Variants in LCOR observed in about 807,000 individuals in gnomAD.
LCOR encodes the protein ligand dependent nuclear receptor corepressor, also known as ligand-dependent corepressor.
A neutral mutation model predicts 64.4 loss-of-function variants in LCOR; 14 were observed. The ratio of observed to expected loss-of-function variants is 0.22; its 90% CI spans 0.14 to 0.34. LCOR has a LOEUF of 0.34. Ranked by LOEUF, LCOR falls within the 10% of genes least tolerant of loss-of-function variation. The probability of loss-of-function intolerance (pLI) is 1.00; values close to 1 mark genes in which losing one functional copy is unlikely to be tolerated. For synonymous variants in LCOR, 643 were observed against 642.5 expected (o/e 1.00, Z -0.01); for missense variants, 1,686 against 1,765.3 (o/e 0.96, Z 0.80).
chr10:96,918,478 G>C (rs200257759), intron 4 of LCOR, among the ~76,000 whole-genome samples: 1 of 152,194 alleles, frequency 6.6e-6, no homozygotes, highest in Non-Finnish European at 1.5e-5. Context: ...CTACTGGCTT[G>C]AAAAGTTGTC....
chr10:96,872,698 T>C (rs913950312), intron 2 of LCOR, among the ~76,000 whole-genome samples: 4 of 151,836 alleles, frequency 2.6e-5, no homozygotes, highest in Non-Finnish European at 5.9e-5. Flanking sequence ...AACAGGAAAA[T>C]TACCTAAGGA....
intron 2 of LCOR, among the ~76,000 whole-genome samples, chr10:96,859,844 C>T (rs143787546): frequency 7.4e-4 from 112 of 152,206 alleles, no homozygotes; most frequent in African/African-American, 2.6e-3. Context: ...GCATGAGCTG[C>T]GGCACCTGGC....
Position 96,983,048 on chromosome 10 carries a change from G to T in LCOR, c.2588G>T (p.Gly863Val). 1 of 1,614,012 alleles carries T rather than the reference G, an allele frequency of 6.2e-7. No homozygotes were observed. Among genetic ancestry groups the T allele is most frequent in the Non-Finnish European group, 8.5e-7 (1 of 1,179,952 alleles). The part of the protein sequence containing the change: ...AKRSKKEGHP[G>V]GTTPKGLLPD... ...CGTTCAAAAAAAGAAGGGCACCCTG[G>T]TGGGACAACACCTAAGGGCCTTCTA... The change falls in exon 8 of 8, where the codon GGT becomes GTT. Residue 863 changes from glycine (G) to valine (V), a missense_variant. Gly to Val is a moderately radical substitution (Grantham distance 109). This residue lies in a region of LCOR where 1,293 missense variants were observed against 1,410.4 expected (regional missense o/e 0.92). Transcript: ENST00000421806. The surrounding 1 kb of genome is among the most constrained non-coding windows in gnomAD (Gnocchi z 4.5).
At position 96,911,093 on chromosome 10, in the gene LCOR, C is replaced by T. The variant is rs1397364300; in HGVS notation, c.-184+3346C>T. 7.9e-5 allele frequency among the ~76,000 whole-genome samples: 9 copies of T among 114,154 alleles called. No homozygotes were observed. In the East Asian group the frequency reaches 1.7e-3, roughly 21 times the overall value. The allele number at this position is 114,154 out of a possible 152,430, so 74.9% of individuals were successfully genotyped here. A position where few individuals can be genotyped will look rare whatever the true frequency, so the allele number is the denominator to read the frequency against. Reference sequence around the variant, plus strand: ...TGTGCCAGTTATTTTTACATGTTCCCTTTTTTTTTTTTTTTTTTTTTTGAG... The same window carrying T: ...TGTGCCAGTTATTTTTACATGTTCCTTTTTTTTTTTTTTTTTTTTTTTGAG... On this transcript the variant is annotated intron_variant, in intron 4 of 7. Transcript: ENST00000421806.
In LCOR at chr10:96,994,832, G is replaced by A. The variant is rs1848229720; in HGVS notation, c.*9698G>A. The A allele has an allele frequency of 2.0e-5, 3 of 152,240 alleles. No homozygotes were observed. The South Asian group carries it at 6.2e-4, about 32-fold the overall frequency. The allele number at this position is 152,240 out of a possible 1,614,324, so 9.4% of individuals were successfully genotyped here. ...GCTGTTTACCCTCAGGGAACAAGTA[G>A]TTTTCAAAATTGAGCTCCTCCAAGG... On this transcript the variant is annotated 3_prime_UTR_variant, in exon 8 of 8. Coordinates refer to ENST00000421806, the MANE Select transcript of LCOR (RefSeq NM_001346516.2).
chr10:96,940,959 G>GT (rs1469212538), intron 4 of LCOR, among the ~76,000 whole-genome samples: 3 of 141,988 alleles, frequency 2.1e-5, no homozygotes, highest in African/African-American at 8.0e-5. Flanking sequence ...TCACTTCCCA[G>GT]TAGGGGCGGC....
chr10:96,923,755 A>T (rs1847120616), intron 4 of LCOR, among the ~76,000 whole-genome samples: 1 of 152,186 alleles, frequency 6.6e-6, no homozygotes, highest in South Asian at 2.1e-4. Context: ...TTCAGGGACC[A>T]TTGGAGCTAT....
intron 2 of LCOR, among the ~76,000 whole-genome samples, chr10:96,842,388 A>G (rs1018801562): frequency 1.3e-5 from 2 of 152,032 alleles, no homozygotes; most frequent in African/African-American, 2.4e-5. Context: ...TCAAGGCTCA[A>G]TCTCAAAATA....
chr10:96,915,677 T>C lies in LCOR; in HGVS notation c.-184+7930T>C, dbSNP rs371217490. ...TCAGCTTTCTGTGCCTGGTCTGATT[T>C]GGCATTTCCCATTTTCTACAGGGTT... On this transcript the variant is annotated intron_variant, in intron 4 of 7. Transcript: ENST00000421806. The C allele has an allele frequency of 7.4e-5, 58 of 783,868 alleles. No individual in the cohort carries two copies. In the East Asian group the frequency reaches 1.1e-3, roughly 15 times the overall value. 48.6% of individuals were successfully genotyped at this position (783,868 alleles called of 1,614,324 possible). A position where few individuals can be genotyped will look rare whatever the true frequency, so the allele number is the denominator to read the frequency against.
intron 2 of LCOR, among the ~76,000 whole-genome samples, chr10:96,903,305 G>A (rs1330254301): frequency 2.6e-5 from 4 of 152,040 alleles, no homozygotes. Flanking sequence ...ACATTACAAT[G>A]GCTGTAATCA....
At chr10:96,955,392 G>T (rs779918091) in intron 7 of LCOR, 1 of 1,614,172 alleles carries the variant, frequency 6.2e-7, no homozygotes, top group South Asian at 1.1e-5. Context: ...GATACCACAA[G>T]TTCGAGGAAT....
rs965511186 is a variant in LCOR, at chr10:96,981,745, A to G, written c.1285A>G (p.Met429Val). Reference sequence around the variant, plus strand: ...AGATGGTTGGTTAGGCCCCGGCCCTATGCCAGCTGTACACAAAGCGGCAAA... The same window carrying G: ...AGATGGTTGGTTAGGCCCCGGCCCTGTGCCAGCTGTACACAAAGCGGCAAA... ...SKDGWLGPGP[M>V]PAVHKAANGH... Residue 429 changes from methionine to valine, a missense_variant, in exon 8 of 8, where the codon ATG (methionine) becomes GTG (valine). Met to Val is a conservative substitution (Grantham distance 21, BLOSUM62 1). Coordinates refer to ENST00000421806, the MANE Select transcript of LCOR (RefSeq NM_001346516.2). 6.2e-6 allele frequency: 10 copies of G among 1,614,098 alleles called. No homozygotes were observed. The highest frequency in any genetic ancestry group is 1.3e-5 in the African/African-American group (1 of 74,934).
chr10:96,906,529 A>G (rs1213879975), intron 2 of LCOR, among the ~76,000 whole-genome samples: 1 of 152,212 alleles, frequency 6.6e-6, no homozygotes, highest in Non-Finnish European at 1.5e-5. Context: ...TATTCAGTAG[A>G]TCCATCAGTA....
rs1228219964 is a variant in LCOR, at chr10:96,988,699, T to C, written c.*3565T>C. On this transcript the variant is annotated 3_prime_UTR_variant, in exon 8 of 8. Transcript: ENST00000421806. ...GACCTAAGAGCCAAGTAGGAAAATA[T>C]AGCATGCTATGTGATACAAGCTGGA... 1 of 152,220 alleles carries C rather than the reference T, an allele frequency of 6.6e-6. No homozygotes were observed. The highest frequency in any genetic ancestry group is 1.5e-5 in the Non-Finnish European group (1 of 68,044). 9.4% of individuals were successfully genotyped at this position (152,220 alleles called of 1,614,324 possible). A position where few individuals can be genotyped will look rare whatever the true frequency, so the allele number is the denominator to read the frequency against.
chr10:96,977,774 C>T (rs141073702), intron 7 of LCOR, among the ~76,000 whole-genome samples: 1 of 152,252 alleles, frequency 6.6e-6, no homozygotes, highest in African/African-American at 2.4e-5. Flanking sequence ...TTGGCTCAAG[C>T]GATCCTCCTA....
chr10:96,903,462 C>T (rs559829841), intron 2 of LCOR, among the ~76,000 whole-genome samples: 3 of 152,162 alleles, frequency 2.0e-5, no homozygotes, highest in Admixed American at 2.0e-4. Flanking sequence ...AGCTTGCATA[C>T]AAGATCCAGG....
At chr10:96,916,487 A>G (rs72819853) in intron 4 of LCOR, among the ~76,000 whole-genome samples, 8,376 of 151,922 alleles carry the variant, frequency 0.055, 273 homozygotes, top group East Asian at 0.18. Context: ...CTACAAATCA[A>G]TAAGTATTTA....
chr10:96,879,550 C>T lies in LCOR; in HGVS notation c.-329-27715C>T, dbSNP rs188006524. 6.6e-5 allele frequency among the ~76,000 whole-genome samples: 10 copies of T among 152,252 alleles called. No individual in the cohort carries two copies. The East Asian group carries it at 1.9e-3, about 29-fold the overall frequency. ...AGACTGTTAGTGCTGGTAGAAGAGT[C>T]GTAGAAATTATATCTCATGGTGCTC... On this transcript the variant is annotated intron_variant, in intron 2 of 7. Transcript: ENST00000421806.
intron 4 of LCOR, among the ~76,000 whole-genome samples, chr10:96,941,444 A>T (rs1253945878): frequency 1.6e-5 from 2 of 122,598 alleles, no homozygotes. Context: ...GGACGGGGCG[A>T]CTGGCCGGGC....
Sources: allele counts gnomAD v4.1 joint callset (sites outside exome capture counted in the v4.1 genomes callset), GRCh38; gene constraint gnomAD v4.1.1; regional missense constraint gnomAD v4.1.1; non-coding constraint Gnocchi (gnomAD v3.1); transcripts MANE v1.5; gene names NCBI Gene and HGNC (gene_info 2026-07-23, HGNC 2026-07-21).